The following GRIA4 variants were observed in gnomAD, a reference collection of about 807,000 sequenced individuals.
GRIA4 encodes glutamate ionotropic receptor AMPA type subunit 4.
GRIA4 carries 34 observed loss-of-function variants against 104.0 expected under a neutral mutation model. That is an observed-to-expected ratio of 0.33 (90% confidence interval 0.25 to 0.44). GRIA4 has a LOEUF of 0.44. Ranked by LOEUF, GRIA4 falls within the 20% of genes least tolerant of loss-of-function variation. The pLI, the probability that GRIA4 is intolerant of heterozygous loss-of-function variation, is 1.00. For synonymous variants in GRIA4, 386 were observed against 381.9 expected (o/e 1.01, Z -0.13); for missense variants, 750 against 1,096.5 (o/e 0.68, Z 4.46).
intron 3 of GRIA4, among the ~76,000 whole-genome samples, chr11:105,665,768 A>G (rs1952146228): frequency 6.6e-6 from 1 of 152,088 alleles, no homozygotes; most frequent in South Asian, 2.1e-4. Context: ...GAGCATTCAG[A>G]TAAAATTAGG....
At chr11:105,648,132 AGAT>A (rs1267963411) in intron 3 of GRIA4, among the ~76,000 whole-genome samples, 1 of 151,988 alleles carries the variant, frequency 6.6e-6, no homozygotes, top group African/African-American at 2.4e-5. Flanking sequence ...ACAGATTAGA[AGAT>A]AAATGACATA....
chr11:105,931,741 A>G (rs1421398199), intron 13 of GRIA4, among the ~76,000 whole-genome samples: 2 of 151,980 alleles, frequency 1.3e-5, no homozygotes, highest in Non-Finnish European at 2.9e-5. Flanking sequence ...TTACCATAAA[A>G]TATCTTTTTC....
chr11:105,714,221 AAATT>A (rs1327098924), intron 3 of GRIA4, among the ~76,000 whole-genome samples: 3 of 150,528 alleles, frequency 2.0e-5, no homozygotes, highest in Non-Finnish European at 2.9e-5. Flanking sequence ...AATATTATAA[AAATT>A]AACCAGAAAT....
At chr11:105,936,918 C>T (rs1016998373) in intron 14 of GRIA4, among the ~76,000 whole-genome samples, 10 of 152,152 alleles carry the variant, frequency 6.6e-5, no homozygotes, top group Admixed American at 6.5e-4. Context: ...AAATTTAAAA[C>T]CACTGATCTA....
chr11:105,831,443 G>A (rs1180894674), intron 4 of GRIA4, among the ~76,000 whole-genome samples: 1 of 151,998 alleles, frequency 6.6e-6, no homozygotes, highest in Non-Finnish European at 1.5e-5. Flanking sequence ...AATAGCATGA[G>A]CATACGGGAA....
intron 3 of GRIA4, among the ~76,000 whole-genome samples, chr11:105,639,885 C>A (rs1039249959): frequency 1.3e-5 from 2 of 151,864 alleles, no homozygotes; most frequent in African/African-American, 4.8e-5. Flanking sequence ...CTTTTCACAG[C>A]CCCTTTTACA....
chr11:105,777,162 T>C (rs1015131777), intron 4 of GRIA4, among the ~76,000 whole-genome samples: 3 of 152,216 alleles, frequency 2.0e-5, no homozygotes, highest in Non-Finnish European at 4.4e-5. Flanking sequence ...TGTAAGTGAT[T>C]CTAATTTTTT....
intron 3 of GRIA4, among the ~76,000 whole-genome samples, chr11:105,642,230 C>T (rs1951385807): frequency 6.6e-6 from 1 of 152,090 alleles, no homozygotes; most frequent in East Asian, 1.9e-4. Flanking sequence ...CAACATGTCA[C>T]TTGCAAGACT....
In GRIA4 at chr11:105,887,537, C is replaced by A; in HGVS notation, c.691C>A (p.His231Asn). Residue 231 changes from histidine (H) to asparagine (N), a missense_variant, in exon 6 of 17, where the codon CAT (histidine) becomes AAT (asparagine). Coordinates refer to ENST00000282499, the MANE Select transcript of GRIA4 (RefSeq NM_000829.4). ...TTCACAGATTGTAAGTGTTGGAAAG[C>A]ATGTTAAAGGCTACCATTATATCAT... The part of the protein sequence containing the change: ...ILEQIVSVGK[H>N]VKGYHYIIAN... 6.9e-7 allele frequency: 1 copy of A among 1,447,424 alleles called. No individual in the cohort carries two copies. The highest frequency in any genetic ancestry group is 9.6e-7 in the Non-Finnish European group (1 of 1,039,682). The allele number at this position is 1,447,424 out of a possible 1,614,324, so 89.7% of individuals were successfully genotyped here.
chr11:105,892,778 T>C (rs768163607), intron 6 of GRIA4, among the ~76,000 whole-genome samples: 3 of 152,200 alleles, frequency 2.0e-5, no homozygotes, highest in Non-Finnish European at 2.9e-5. Context: ...TTAAGTCAAT[T>C]TCTTAACTAA....
intron 14 of GRIA4, among the ~76,000 whole-genome samples, chr11:105,970,452 A>G (rs1253146866): frequency 6.6e-6 from 1 of 152,184 alleles, no homozygotes; most frequent in African/African-American, 2.4e-5. Context: ...AATCCTGATT[A>G]GGCTACTGCC....
At chr11:105,696,737 A>C (rs1042814068) in intron 3 of GRIA4, among the ~76,000 whole-genome samples, 5 of 151,452 alleles carry the variant, frequency 3.3e-5, no homozygotes, top group Non-Finnish European at 7.4e-5. Flanking sequence ...AGATGTAAGA[A>C]TAGACTTTTC....
intron 9 of GRIA4, among the ~76,000 whole-genome samples, chr11:105,906,391 G>A (rs1027540227): frequency 1.8e-4 from 28 of 152,148 alleles, no homozygotes; most frequent in African/African-American, 6.8e-4. Context: ...AAGGCTGCAT[G>A]GAGGAGGTGG....
intron 4 of GRIA4, among the ~76,000 whole-genome samples, chr11:105,851,563 G>C (rs943678112): frequency 2.6e-5 from 4 of 152,214 alleles, no homozygotes; most frequent in Non-Finnish European, 5.9e-5. Context: ...GAAATGGTCT[G>C]AAGCTGAAGC....
chr11:105,792,320 G>A (rs1446440330), intron 4 of GRIA4, among the ~76,000 whole-genome samples: 1 of 152,118 alleles, frequency 6.6e-6, no homozygotes, highest in Non-Finnish European at 1.5e-5. Flanking sequence ...ATTTGCAAAA[G>A]GGGTGGTCAT....
chr11:105,841,279 G>C (rs1037129699), intron 4 of GRIA4, among the ~76,000 whole-genome samples: 1 of 151,812 alleles, frequency 6.6e-6, no homozygotes, highest in African/African-American at 2.4e-5. Flanking sequence ...TTTCACTTTT[G>C]TTTCTACATC....
intron 3 of GRIA4, among the ~76,000 whole-genome samples, chr11:105,724,483 C>A (rs974284069): frequency 6.6e-6 from 1 of 151,922 alleles, no homozygotes; most frequent in South Asian, 2.1e-4. Flanking sequence ...ACATCTTTCA[C>A]AGCAATATGG....
chr11:105,811,001 T>C (rs572495339), intron 4 of GRIA4, among the ~76,000 whole-genome samples: 13 of 152,326 alleles, frequency 8.5e-5, no homozygotes, highest in Non-Finnish European at 1.5e-4. Flanking sequence ...ATCCTTATTG[T>C]AGTGCTACAA....
chr11:105,717,251 T>C (rs961954504), intron 3 of GRIA4, among the ~76,000 whole-genome samples: 1 of 152,098 alleles, frequency 6.6e-6, no homozygotes, highest in Non-Finnish European at 1.5e-5. Context: ...TTTCAGAGCA[T>C]GGCAAGCTCC....
Sources: allele counts gnomAD v4.1 joint callset (sites outside exome capture counted in the v4.1 genomes callset), GRCh38; gene constraint gnomAD v4.1.1; transcripts MANE v1.5; gene names NCBI Gene and HGNC (gene_info 2026-07-23, HGNC 2026-07-21).